The following COP1 variants were observed in gnomAD, a reference collection of about 807,000 sequenced individuals.
COP1 encodes E3 ubiquitin-protein ligase COP1.
Under a neutral mutation model 101.3 loss-of-function variants are expected in COP1, and 24 were observed. The ratio of observed to expected loss-of-function variants is 0.24; its 90% CI spans 0.17 to 0.33. COP1 has a LOEUF of 0.33. Ranked by LOEUF, COP1 falls within the 10% of genes least tolerant of loss-of-function variation. COP1 has a pLI of 1.00. For synonymous variants in COP1, 347 were observed against 341.9 expected (o/e 1.01, Z -0.17); for missense variants, 663 against 906.2 (o/e 0.73, Z 3.45).
chr1:176,206,892 C>T lies in COP1; in HGVS notation c.87G>A (p.Ser29=), dbSNP rs1159103314. The T allele has an allele frequency of 1.4e-6, 2 of 1,465,424 alleles. No individual in the cohort carries two copies. The highest frequency in any genetic ancestry group is 1.8e-6 in the Non-Finnish European group (2 of 1,114,120). The allele number at this position is 1,465,424 out of a possible 1,614,324, so 90.8% of individuals were successfully genotyped here. A position where few individuals can be genotyped will look rare whatever the true frequency, so the allele number is the denominator to read the frequency against. ...SAASSVTSAS[S]SLSSSPSPPS... ...GCGGCGACGGGGAAGAGGATAAAGA[C>T]GAGGAGGCGGAAGTCACCGAGGAGG... The change falls in exon 1 of 20, where the codon TCG becomes TCA. Residue 29 remains serine, a synonymous_variant. Coordinates refer to ENST00000367669, the MANE Select transcript of COP1 (RefSeq NM_022457.7).
At chr1:176,028,642 A>G (rs1668101452) in intron 14 of COP1, among the ~76,000 whole-genome samples, 1 of 145,124 alleles carries the variant, frequency 6.9e-6, no homozygotes, top group South Asian at 2.2e-4. Flanking sequence ...CACAACTAAG[A>G]CATAAAAGAC....
At chr1:176,178,143 A>C (rs1408289287) in intron 2 of COP1, among the ~76,000 whole-genome samples, 1 of 152,108 alleles carries the variant, frequency 6.6e-6, no homozygotes, top group Non-Finnish European at 1.5e-5. Flanking sequence ...CTAAATCTTT[A>C]TTTTCATTTT....
intron 2 of COP1, among the ~76,000 whole-genome samples, chr1:176,177,386 A>G (rs1697113693): frequency 6.6e-6 from 1 of 151,926 alleles, no homozygotes; most frequent in Non-Finnish European, 1.5e-5. Flanking sequence ...ATGTTATTAT[A>G]CATACTGCTG....
intron 15 of COP1, among the ~76,000 whole-genome samples, chr1:175,993,917 A>G (rs925197903): frequency 3.3e-5 from 5 of 152,208 alleles, no homozygotes; most frequent in African/African-American, 1.2e-4. Flanking sequence ...CTCCTCGAGA[A>G]GAGCAACTCC....
intron 18 of COP1, among the ~76,000 whole-genome samples, chr1:175,963,699 C>T (rs1225121868): frequency 6.6e-6 from 1 of 152,018 alleles, no homozygotes; most frequent in Non-Finnish European, 1.5e-5. Flanking sequence ...CTTCTGAAAC[C>T]CTTTATATCT....
intron 15 of COP1, among the ~76,000 whole-genome samples, chr1:176,012,166 G>A (rs1225097579): frequency 2.0e-5 from 3 of 152,214 alleles, no homozygotes; most frequent in African/African-American, 7.2e-5. Flanking sequence ...CTGTACTTCA[G>A]CCTAAGCCAT....
intron 8 of COP1, among the ~76,000 whole-genome samples, chr1:176,128,315 T>C (rs1036882026): frequency 1.3e-5 from 2 of 152,066 alleles, no homozygotes; most frequent in African/African-American, 4.8e-5. Flanking sequence ...CTATCAATTT[T>C]AATGAGAAAT....
intron 12 of COP1, among the ~76,000 whole-genome samples, chr1:176,044,269 G>C (rs1434466529): frequency 6.6e-6 from 1 of 152,160 alleles, no homozygotes; most frequent in East Asian, 1.9e-4. Flanking sequence ...CATCCCAAAA[G>C]TCTTGACTTG....
chr1:176,151,393 GAAAGAAAGAAAGAAAGAAAGA>G (rs1692540952), intron 5 of COP1, among the ~76,000 whole-genome samples: 1 of 122,646 alleles, frequency 8.2e-6, no homozygotes, highest in Non-Finnish European at 1.9e-5. Context: ...AAGAAAGAAA[GAAAGAAAGAAAGAAAGAAAGA>G]AAGAAACATA....
Position 176,117,593 on chromosome 1 carries a change from T to G in COP1, c.969-912A>C, listed in dbSNP as rs1234568748. ...CTTTTTGTAAATTCTTCTTCTCTAT[T>G]TCTACTATAAACATGCTTAGGCTAG... On this transcript the variant is annotated intron_variant, in intron 8 of 19. Coordinates refer to ENST00000367669, the MANE Select transcript of COP1 (RefSeq NM_022457.7). 2.0e-5 allele frequency among the ~76,000 whole-genome samples: 3 copies of G among 152,272 alleles called. No individual in the cohort carries two copies. In the East Asian group the frequency reaches 5.8e-4, roughly 29 times the overall value.
chr1:176,142,498 T>C (rs1007010074), intron 6 of COP1, among the ~76,000 whole-genome samples: 1 of 152,022 alleles, frequency 6.6e-6, no homozygotes, highest in Admixed American at 6.5e-5. Context: ...GAGACAGTAA[T>C]AGGTATAACA....
At chr1:176,063,281 CG>C (rs1184538406) in intron 11 of COP1, among the ~76,000 whole-genome samples, 1 of 151,272 alleles carries the variant, frequency 6.6e-6, no homozygotes, top group Non-Finnish European at 1.5e-5. Context: ...AGGATGGTCT[CG>C]ATCTCCTGAC....
At chr1:176,033,328 G>A (rs1050308604) in intron 14 of COP1, among the ~76,000 whole-genome samples, 1 of 152,168 alleles carries the variant, frequency 6.6e-6, no homozygotes, top group African/African-American at 2.4e-5. Context: ...TTGGGAGGCT[G>A]AGGCAGGAGA....
At chr1:175,970,329 A>G (rs1489452132) in intron 18 of COP1, among the ~76,000 whole-genome samples, 1 of 152,214 alleles carries the variant, frequency 6.6e-6, no homozygotes, top group African/African-American at 2.4e-5. Flanking sequence ...AGGATAAGGC[A>G]ATATGAAGAA....
intron 8 of COP1, 59 bp from the exon 9 acceptor site, chr1:176,116,740 A>G: frequency 8.0e-7 from 1 of 1,247,022 alleles, no homozygotes; most frequent in Non-Finnish European, 1.2e-6. Context: ...AACAACAGAA[A>G]AAGTAAATCT....
chr1:176,134,181 T>C (rs762766061), intron 8 of COP1, among the ~76,000 whole-genome samples: 1 of 151,994 alleles, frequency 6.6e-6, no homozygotes, highest in Non-Finnish European at 1.5e-5. Flanking sequence ...TCTACCATAG[T>C]AGAACTGGAC....
At position 176,135,063 on chromosome 1, in the gene COP1, A is replaced by G; in HGVS notation, c.915T>C (p.Pro305=). Residue 305 remains proline (P), a synonymous_variant, in exon 8 of 20, where the codon CCT becomes CCC. Coordinates refer to ENST00000367669, the MANE Select transcript of COP1 (RefSeq NM_022457.7). ...RVEEMSGLYS[P]VSEDSTVPQF... ...GAGGCACTGTGCTATCCTCACTGAC[A>G]GGAGAGTATAAGCCACTCATTTCCT... 6.2e-7 allele frequency: 1 copy of G among 1,608,564 alleles called. No individual in the cohort carries two copies. The highest frequency in any genetic ancestry group is 8.5e-7 in the Non-Finnish European group (1 of 1,175,584).
Position 176,059,367 on chromosome 1 carries a change from T to C in COP1, c.1278-13043A>G, listed in dbSNP as rs1212255555. Among the ~76,000 whole-genome samples, 4 of 152,358 alleles carry C rather than the reference T, an allele frequency of 2.6e-5. No individual in the cohort carries two copies. The East Asian group carries it at 7.7e-4, about 29-fold the overall frequency. On this transcript the variant is annotated intron_variant, in intron 11 of 19. Coordinates refer to ENST00000367669, the MANE Select transcript of COP1 (RefSeq NM_022457.7). Reference sequence around the variant, plus strand: ...ATCTCCTTATTTTAACCATACAGAATAGGTAAGTATTTACAAATTAAAATC... The same window carrying C: ...ATCTCCTTATTTTAACCATACAGAACAGGTAAGTATTTACAAATTAAAATC...
Position 176,126,511 on chromosome 1 carries a change from C to T in COP1, c.968+8499G>A, listed in dbSNP as rs557624823. On this transcript the variant is annotated intron_variant, in intron 8 of 19. Transcript: ENST00000367669. ...CTCGCTCTGTCACCAGGCTGGAGTGCGGTGGCGCAATCTCAGCTCACTGCA... is the reference window on the plus strand; with the variant it reads ...CTCGCTCTGTCACCAGGCTGGAGTGTGGTGGCGCAATCTCAGCTCACTGCA... Among the ~76,000 whole-genome samples, 15 of 152,118 alleles carry T rather than the reference C, an allele frequency of 9.9e-5. No homozygotes were observed. In the East Asian group the frequency reaches 1.2e-3, roughly 12 times the overall value.
Sources: gnomAD v4.1 joint callset for allele counts (sites outside exome capture counted in the v4.1 genomes callset) on GRCh38, gnomAD v4.1.1 for gene constraint, MANE v1.5 for transcripts, NCBI Gene and HGNC (gene_info 2026-07-23, HGNC 2026-07-21) for gene names.